The following RBM10 variants were observed in gnomAD, a reference collection of about 807,000 sequenced individuals.
RBM10 encodes RNA-binding protein 10.
In RBM10, 1 loss-of-function variant was observed where a neutral mutation model predicts 84.9. The observed-to-expected ratio is 0.01, with a 90% CI of 0.00 to 0.06. RBM10 has a LOEUF of 0.06. Among genes scored for constraint, RBM10 ranks in the 10% least tolerant of loss-of-function variants. RBM10 has a pLI of 1.00. For missense variants in RBM10, 438 were observed against 839.0 expected (o/e 0.52, Z 5.90); for synonymous variants, 326 against 344.5 (o/e 0.95, Z 0.60).
rs782474152 is a variant in RBM10, at chrX:47,185,051, C to A, written c.1951-4C>A. On this transcript the variant is annotated splice_region_variant and splice_polypyrimidine_tract_variant and intron_variant, in intron 17 of 23. Coordinates refer to ENST00000377604, the MANE Select transcript of RBM10 (RefSeq NM_005676.5). ...GGGAACCTCACCTCCACCCTCACCC[C>A]CAGATTGCCAAGGACATGGAACGCT... 8.3e-6 allele frequency: 10 copies of A among 1,206,363 alleles called. No homozygotes were observed. The highest frequency in any genetic ancestry group is 1.1e-5 in the Non-Finnish European group (10 of 893,160).
intron 7 of RBM10, among the ~76,000 whole-genome samples, chrX:47,178,662 C>G (rs1490561239): frequency 1.8e-5 from 2 of 112,080 alleles, no homozygotes; most frequent in Non-Finnish European, 3.8e-5. Flanking sequence ...AGGATCCAAC[C>G]CAGTCCTAGA....
rs1556772646 is a variant in RBM10, at chrX:47,171,070, C to T, written c.244C>T (p.Arg82Trp). 2.5e-6 allele frequency: 3 copies of T among 1,203,052 alleles called. No individual in the cohort carries two copies. The highest frequency in any genetic ancestry group is 1.7e-5 in the African/African-American group (1 of 57,551). Residue 82 changes from arginine (R) to tryptophan (W), a missense_variant, in exon 4 of 24, where the codon CGG (arginine) becomes TGG (tryptophan). Coordinates refer to ENST00000377604, the MANE Select transcript of RBM10 (RefSeq NM_005676.5). The stretch of plus-strand genomic sequence containing the variant: ...CCCGGGCTCCGAGACTCAGCGTAGG[C>T]GGCGGCGGCGGCACAGGCACAGCCC... ...ASPGSETQRRRRRRHRHSPTG... is the reference protein window; with the variant it reads ...ASPGSETQRRWRRRHRHSPTG...
intron 5 of RBM10, 139 bp from the exon 6 acceptor site, chrX:47,174,880 C>G: frequency 2.1e-6 from 1 of 475,916 alleles, no homozygotes; most frequent in East Asian, 4.2e-5. Flanking sequence ...CTGATTGCCT[C>G]TTTCTCTTTC....
chrX:47,151,946 T>C (rs1287074954), intron 2 of RBM10, among the ~76,000 whole-genome samples: 1 of 112,260 alleles, frequency 8.9e-6, no homozygotes, highest in Non-Finnish European at 1.9e-5. Flanking sequence ...AATTGTGGCC[T>C]GGCATGGTGG....
rs782269837 is a variant in RBM10 at position 47,185,253 on chromosome X, C to T, written c.2100+49C>T. ...ACCCTGCCCCACAATCTTGTCCTTC[C>T]TTTGGGCCCTCTGTGGAGTCCCTGA... On this transcript the variant is annotated intron_variant, in intron 18 of 23. Transcript: ENST00000377604. 14 of 1,211,924 alleles carry T rather than the reference C, an allele frequency of 1.2e-5. No individual in the cohort carries two copies. The South Asian group carries it at 2.5e-4, about 21-fold the overall frequency.
chrX:47,165,762 C>T (rs975191867), intron 2 of RBM10, among the ~76,000 whole-genome samples: 2 of 111,172 alleles, frequency 1.8e-5, no homozygotes, highest in African/African-American at 6.5e-5. Context: ...TGGCTCACGC[C>T]TGTAATCCCA....
chrX:47,157,575 C>T (rs1343370285), intron 2 of RBM10: 23 of 446,958 alleles, frequency 5.1e-5, no homozygotes, highest in Admixed American at 2.0e-4. Flanking sequence ...GGACTTGGAG[C>T]GGTCGAGCAG....
chrX:47,163,859 ATTTTTTTTTTTTTTT>A (rs35919377), intron 2 of RBM10, among the ~76,000 whole-genome samples: 2 of 40,122 alleles, frequency 5.0e-5, no homozygotes, highest in Non-Finnish European at 4.0e-5. Context: ...CGCCTGGCTA[ATTTTTTTTTTTTTTT>A]TTTTTTTTTT....
chrX:47,159,190 A>G (rs1452305097), intron 2 of RBM10, among the ~76,000 whole-genome samples: 2 of 111,913 alleles, frequency 1.8e-5, no homozygotes, highest in African/African-American at 6.5e-5. Flanking sequence ...TGGGCAGATC[A>G]CCTGAGGTAG....
rs1023051704 is a variant in RBM10 at position 47,173,081 on chromosome X, C to T, written c.433-47C>T. 24 of 1,209,333 alleles carry T rather than the reference C, an allele frequency of 2.0e-5. No homozygotes were observed. The Middle Eastern group carries it at 1.4e-3, about 69-fold the overall frequency. On this transcript the variant is annotated intron_variant, in intron 4 of 23. Coordinates refer to ENST00000377604, the MANE Select transcript of RBM10 (RefSeq NM_005676.5). ...CCTCCAGCCAGCCTCAGGTACCCAGCGGCCCCATTGTGCTGAGCCTGCCCT... is the reference window on the plus strand; with the variant it reads ...CCTCCAGCCAGCCTCAGGTACCCAGTGGCCCCATTGTGCTGAGCCTGCCCT...
At chrX:47,161,534 A>AGT (rs1933691100) in intron 2 of RBM10, among the ~76,000 whole-genome samples, 1 of 26,983 alleles carries the variant, frequency 3.7e-5, no homozygotes, top group African/African-American at 1.9e-4. Flanking sequence ...TTTTTTTTTT[A>AGT]GTGAGAGAGA....
chrX:47,165,041 A>T (rs1361391161), intron 2 of RBM10, among the ~76,000 whole-genome samples: 1 of 112,086 alleles, frequency 8.9e-6, no homozygotes, highest in African/African-American at 3.2e-5. Context: ...ATATGATTCC[A>T]CTACTATGAA....
intron 4 of RBM10, 136 bp downstream of exon 4, chrX:47,171,394 C>A: frequency 1.0e-6 from 1 of 992,285 alleles, no homozygotes; most frequent in Non-Finnish European, 1.3e-6. Flanking sequence ...TATCCCCCAG[C>A]ACTGATCCGT....
At chrX:47,149,346 GTTTGT>G (rs782315331) in intron 2 of RBM10, among the ~76,000 whole-genome samples, 8 of 106,610 alleles carry the variant, frequency 7.5e-5, no homozygotes, top group African/African-American at 1.7e-4. Flanking sequence ...TTTTTTGTTT[GTTTGT>G]TTTGTTTTGT....
intron 6 of RBM10, among the ~76,000 whole-genome samples, chrX:47,175,612 T>G (rs1556775718): frequency 1.8e-5 from 2 of 111,550 alleles, no homozygotes; most frequent in African/African-American, 6.5e-5. Flanking sequence ...ACTGCTCTGT[T>G]GATCTCAAGT....
intron 1 of RBM10, 122 bp downstream of exon 1, chrX:47,145,607 C>A: frequency 3.3e-6 from 1 of 305,443 alleles, no homozygotes; most frequent in Non-Finnish European, 4.9e-6. Flanking sequence ...GGTGCAATGT[C>A]TCAACCCGGG....
rs371925104 is a variant in RBM10, at chrX:47,186,214, G to A, written c.2537+43G>A. On this transcript the variant is annotated intron_variant, in intron 22 of 23. Transcript: ENST00000377604. ...GTGAGGGGGTCTGGAGCCCGGGGCC[G>A]GGGCCGGCAGGCCGACCACTCATGC... 67 of 1,208,838 alleles carry A rather than the reference G, an allele frequency of 5.5e-5. 1 individual carries two copies. In the East Asian group the frequency reaches 1.2e-3, roughly 21 times the overall value.
chrX:47,145,597 G>GA, intron 1 of RBM10, 112 bp downstream of exon 1: 4 of 668,476 alleles, frequency 6.0e-6, no homozygotes, highest in Non-Finnish European at 8.4e-6. Context: ...CGGAGGGGTT[G>GA]GTGCAATGTC....
In RBM10 at chrX:47,171,205, G is replaced by T. The variant is rs1556772947; in HGVS notation, c.379G>T (p.Ala127Ser). The T allele has an allele frequency of 8.3e-6, 10 of 1,207,007 alleles. No homozygotes were observed. The highest frequency in any genetic ancestry group is 1.1e-5 in the Non-Finnish European group (10 of 894,214). ...EEEDEEEEEK[A>S]SNIVMLRMLP... ...GGAGGATGAGGAGGAGGAGGAGAAG[G>T]CCAGTAACATCGTCATGCTGAGGAT... The change falls in exon 4 of 24, where the codon GCC becomes TCC. Residue 127 changes from alanine to serine, a missense_variant. Ala to Ser is a moderately conservative substitution (Grantham distance 99). Around this residue, in one of 8 missense-constraint regions of RBM10, gnomAD observed 92 missense variants for 134.3 expected, o/e 0.69. Coordinates refer to ENST00000377604, the MANE Select transcript of RBM10 (RefSeq NM_005676.5).
Sources: gnomAD v4.1 joint callset for allele counts (sites outside exome capture counted in the v4.1 genomes callset) on GRCh38, gnomAD v4.1.1 for gene constraint, gnomAD v4.1.1 regional missense constraint, MANE v1.5 for transcripts, NCBI Gene and HGNC (gene_info 2026-07-23, HGNC 2026-07-21) for gene names.